Variants in SCML2 observed in about 807,000 individuals in gnomAD.
SCML2 encodes the protein Scm polycomb group protein like 2.
In SCML2, 6 loss-of-function variants were observed where a neutral mutation model predicts 48.4. The observed-to-expected ratio is 0.12, with a 90% CI of 0.07 to 0.24. SCML2 has a LOEUF of 0.24. SCML2 is among the 10% of genes least tolerant of loss of function. The pLI is 1.00. For missense variants in SCML2, 377 were observed against 528.2 expected, an observed-to-expected ratio of 0.71 and a Z score of 2.81; for synonymous variants, 181 against 189.5, an observed-to-expected ratio of 0.95 and a Z score of 0.37.
chrX:18,307,316 C>T (rs184882447), intron 6 of SCML2, among the ~76,000 whole-genome samples: 1 of 110,485 alleles, frequency 9.1e-6, no homozygotes, highest in African/African-American at 3.3e-5. Context: ...TGAAAGCTGG[C>T]AAGTCAAAAG....
intron 8 of SCML2, among the ~76,000 whole-genome samples, chrX:18,263,536 C>T (rs1927148826): frequency 9.0e-6 from 1 of 111,503 alleles, no homozygotes; most frequent in Non-Finnish European, 1.9e-5. Context: ...AATGTCCTCA[C>T]CTTCATTCTT....
intron 1 of SCML2, among the ~76,000 whole-genome samples, chrX:18,342,665 T>C (rs1167055077): frequency 9.4e-6 from 1 of 106,050 alleles, no homozygotes; most frequent in Admixed American, 1.0e-4. Context: ...TGAGCCGAGA[T>C]CATGCCACTG....
chrX:18,256,302 A>C (rs1356305194), intron 11 of SCML2, among the ~76,000 whole-genome samples: 1 of 110,873 alleles, frequency 9.0e-6, no homozygotes, highest in Non-Finnish European at 1.9e-5. Context: ...AAATACAAAA[A>C]TTAGCTGGGC....
chrX:18,306,860 G>T (rs1035622405), intron 6 of SCML2, among the ~76,000 whole-genome samples: 3 of 109,761 alleles, frequency 2.7e-5, no homozygotes, highest in Non-Finnish European at 5.7e-5. Flanking sequence ...TAGAGATGAG[G>T]GCCTCGCTAT....
At chrX:18,305,801 C>A (rs1425490704) in intron 6 of SCML2, among the ~76,000 whole-genome samples, 1 of 108,103 alleles carries the variant, frequency 9.3e-6, no homozygotes, top group Non-Finnish European at 1.9e-5. Context: ...AATACAGACA[C>A]AAGAACATGA....
intron 6 of SCML2, among the ~76,000 whole-genome samples, chrX:18,307,434 T>C (rs893091375): frequency 2.7e-5 from 3 of 110,753 alleles, no homozygotes; most frequent in African/African-American, 6.6e-5. Flanking sequence ...GAGAAGAAAA[T>C]AGTGGGGAGG....
chrX:18,247,664 G>T, intron 12 of SCML2, 105 bp downstream of exon 12: 1 of 541,927 alleles, frequency 1.8e-6, no homozygotes, highest in Non-Finnish European at 2.9e-6. Context: ...AACTTGTTTG[G>T]GCAAATTTAC....
chrX:18,337,631 T>C (rs943309221), intron 1 of SCML2, among the ~76,000 whole-genome samples: 4 of 111,150 alleles, frequency 3.6e-5, no homozygotes, highest in African/African-American at 9.8e-5. Context: ...CAGAAACCGA[T>C]AGAACTAAAA....
chrX:18,277,359 C>T (rs775779543), intron 7 of SCML2, among the ~76,000 whole-genome samples: 1 of 112,635 alleles, frequency 8.9e-6, no homozygotes, highest in East Asian at 2.8e-4. Flanking sequence ...GCATGAGCCA[C>T]CATGCCAGGT....
intron 13 of SCML2, among the ~76,000 whole-genome samples, chrX:18,245,452 C>T (rs182816425): frequency 8.9e-6 from 1 of 112,218 alleles, no homozygotes; most frequent in Non-Finnish European, 1.9e-5. Flanking sequence ...TATTGTTAGA[C>T]TCTGCAAGCT....
intron 5 of SCML2, among the ~76,000 whole-genome samples, 200 bp from the exon 6 acceptor site, chrX:18,320,620 C>G (rs1929284494): frequency 9.0e-6 from 1 of 111,433 alleles, no homozygotes; most frequent in South Asian, 3.8e-4. Flanking sequence ...GGCAACAATG[C>G]TACAGTGGGG....
At chrX:18,354,258 G>C (rs1282528783) in intron 1 of SCML2, among the ~76,000 whole-genome samples, 1 of 113,271 alleles carries the variant, frequency 8.8e-6, no homozygotes, top group Admixed American at 9.2e-5. Flanking sequence ...ACCCACGGCA[G>C]GGAGGATGCG....
At chrX:18,303,371 G>A (rs912590083) in intron 7 of SCML2, among the ~76,000 whole-genome samples, 5 of 111,747 alleles carry the variant, frequency 4.5e-5, no homozygotes, top group African/African-American at 9.8e-5. Flanking sequence ...AAGTGAACTC[G>A]TCAGTTTTTA....
intron 11 of SCML2, among the ~76,000 whole-genome samples, chrX:18,255,429 G>A (rs1926806721): frequency 8.9e-6 from 1 of 112,036 alleles, no homozygotes; most frequent in Admixed American, 9.5e-5. Flanking sequence ...ACCCAGGTCT[G>A]ACAAACTCCA....
intron 11 of SCML2, among the ~76,000 whole-genome samples, chrX:18,249,386 G>GT (rs773803931): frequency 2.7e-4 from 30 of 111,515 alleles, no homozygotes; most frequent in African/African-American, 9.4e-4. Flanking sequence ...GGCACAATGG[G>GT]TTTGGAGCTC....
intron 1 of SCML2, among the ~76,000 whole-genome samples, chrX:18,349,962 ATTT>A (rs764270139): frequency 9.0e-6 from 1 of 110,881 alleles, no homozygotes; most frequent in East Asian, 2.9e-4. Context: ...TTTTCAAGTT[ATTT>A]TTAAGAACCA....
At chrX:18,298,497 G>A (rs893989168) in intron 7 of SCML2, among the ~76,000 whole-genome samples, 2 of 112,005 alleles carry the variant, frequency 1.8e-5, no homozygotes, top group African/African-American at 6.5e-5. Context: ...CGCCAAGAAC[G>A]TACATTGGGA....
intron 7 of SCML2, among the ~76,000 whole-genome samples, chrX:18,298,417 C>T (rs1928467010): frequency 8.9e-6 from 1 of 112,141 alleles, no homozygotes; most frequent in Non-Finnish European, 1.9e-5. Context: ...AAAACAAATA[C>T]ATTGACCTAT....
intron 6 of SCML2, among the ~76,000 whole-genome samples, chrX:18,318,929 C>T (rs1331384592): frequency 8.9e-6 from 1 of 111,915 alleles, no homozygotes; most frequent in African/African-American, 3.3e-5. Context: ...GGTATTTGGA[C>T]ACAGGGTCTT....
Sources: allele counts gnomAD v4.1 joint callset (sites outside exome capture counted in the v4.1 genomes callset), GRCh38; gene constraint gnomAD v4.1.1; transcripts MANE v1.5; gene names NCBI Gene and HGNC (gene_info 2026-07-23, HGNC 2026-07-21).